The following THSD7A variants were observed in gnomAD, a reference collection of about 807,000 sequenced individuals.
THSD7A encodes thrombospondin type 1 domain containing 7A, also known as thrombospondin type-1 domain-containing protein 7A.
A neutral mutation model predicts 231.3 loss-of-function variants in THSD7A; 96 were observed. The ratio of observed to expected loss-of-function variants is 0.41; its 90% CI spans 0.35 to 0.49. THSD7A has a LOEUF of 0.49. THSD7A is among the 20% of genes least tolerant of loss of function. THSD7A has a pLI of 0.05. For synonymous variants in THSD7A, 940 were observed against 743.3 expected (o/e 1.26, Z -4.30); for missense variants, 2,290 against 2,070.2 (o/e 1.11, Z -2.06).
intron 4 of THSD7A, among the ~76,000 whole-genome samples, chr7:11,555,308 T>C (rs2128327547): frequency 6.6e-6 from 1 of 152,132 alleles, no homozygotes. Flanking sequence ...TCCAGTATTT[T>C]GATTTTCCTT....
chr7:11,617,334 T>C (rs1327274661), intron 2 of THSD7A, among the ~76,000 whole-genome samples: 2 of 152,224 alleles, frequency 1.3e-5, no homozygotes, highest in Admixed American at 6.5e-5. Flanking sequence ...TAACTTTTGT[T>C]TTCAATTACT....
chr7:11,818,138 A>C lies in THSD7A; in HGVS notation c.190+13619T>G, dbSNP rs569722435. On this transcript the variant is annotated intron_variant, in intron 1 of 27. Transcript: ENST00000423059. ...CTTCTTCTCTGGTGCAATAGAGAAC[A>C]TACCTACAAACACATCCATCTACAA... is the stretch of plus-strand genomic sequence containing the variant. 5.9e-5 allele frequency among the ~76,000 whole-genome samples: 9 copies of C among 152,324 alleles called. No individual in the cohort carries two copies. The East Asian group carries it at 1.5e-3, about 26-fold the overall frequency.
chr7:11,513,090 T>G (rs983097363), intron 6 of THSD7A, among the ~76,000 whole-genome samples: 4 of 151,304 alleles, frequency 2.6e-5, no homozygotes, highest in Non-Finnish European at 1.5e-5. Context: ...TTCTCACTAA[T>G]AGGTGGGAGC....
intron 6 of THSD7A, among the ~76,000 whole-genome samples, chr7:11,525,419 C>T (rs1041268488): frequency 1.3e-5 from 2 of 152,128 alleles, no homozygotes; most frequent in African/African-American, 4.8e-5. Context: ...TAATTCATCA[C>T]TGTCAATAAA....
intron 1 of THSD7A, among the ~76,000 whole-genome samples, chr7:11,664,543 A>G (rs747978317): frequency 9.2e-5 from 14 of 152,054 alleles, no homozygotes; most frequent in Non-Finnish European, 1.8e-4. Context: ...CATTTTAGTC[A>G]GTCAGTAAAG....
intron 2 of THSD7A, among the ~76,000 whole-genome samples, chr7:11,616,773 A>C (rs1781119900): frequency 6.6e-6 from 1 of 152,156 alleles, no homozygotes; most frequent in African/African-American, 2.4e-5. Context: ...TTTTCTTGAA[A>C]GGGCACATCC....
At chr7:11,468,065 C>T (rs577861601) in intron 9 of THSD7A, among the ~76,000 whole-genome samples, 5 of 151,866 alleles carry the variant, frequency 3.3e-5, no homozygotes, top group Non-Finnish European at 7.4e-5. Flanking sequence ...AAGAAAATAT[C>T]CAAAATAAGG....
At chr7:11,613,958 A>T (rs909882010) in intron 2 of THSD7A, among the ~76,000 whole-genome samples, 4 of 152,224 alleles carry the variant, frequency 2.6e-5, no homozygotes, top group African/African-American at 9.7e-5. Flanking sequence ...CAAAAGCAAT[A>T]CGATGACCAT....
At chr7:11,536,152 G>C (rs1163797271) in intron 6 of THSD7A, among the ~76,000 whole-genome samples, 1 of 152,110 alleles carries the variant, frequency 6.6e-6, no homozygotes, top group Non-Finnish European at 1.5e-5. Flanking sequence ...AATTCAAATA[G>C]AATTATTTCA....
rs527682277 is a variant in THSD7A, at chr7:11,483,211, T to C, written c.1823-1229A>G. ...GGGAGTTAGGAGCATCATTTTAATG[T>C]ACACTCCTTTATTCATATGCTTTAA... On this transcript the variant is annotated intron_variant, in intron 6 of 27. Transcript: ENST00000423059. 2.6e-5 allele frequency among the ~76,000 whole-genome samples: 4 copies of C among 152,336 alleles called. No individual in the cohort carries two copies. In the South Asian group the frequency reaches 8.3e-4, roughly 32 times the overall value.
At chr7:11,586,427 C>T (rs1028159278) in intron 4 of THSD7A, among the ~76,000 whole-genome samples, 1 of 152,148 alleles carries the variant, frequency 6.6e-6, no homozygotes, top group Middle Eastern at 3.2e-3. Flanking sequence ...TATGGAGACT[C>T]TCTTAGGTAT....
intron 1 of THSD7A, among the ~76,000 whole-genome samples, chr7:11,717,218 G>A (rs1198494166): frequency 6.6e-6 from 1 of 151,702 alleles, no homozygotes; most frequent in African/African-American, 2.4e-5. Context: ...GATAGTCTCA[G>A]GCAGAGGTGG....
chr7:11,449,524 G>A (rs934735242), intron 11 of THSD7A, among the ~76,000 whole-genome samples: 1 of 152,084 alleles, frequency 6.6e-6, no homozygotes, highest in African/African-American at 2.4e-5. Context: ...ACCATGCCAA[G>A]CTTTGGGAAA....
At position 11,374,255 on chromosome 7, in the gene THSD7A, G is replaced by T. The variant is rs577456836; in HGVS notation, c.*1539C>A. The T allele has an allele frequency of 6.6e-6, 1 of 152,266 alleles. No homozygotes were observed. Among genetic ancestry groups the T allele is most frequent in the East Asian group, 1.9e-4 (1 of 5,184 alleles). 9.4% of individuals were successfully genotyped at this position (152,266 alleles called of 1,614,324 possible). The stretch of plus-strand genomic sequence containing the variant: ...AAGATTGCATTAGCAGAATGGCAAA[G>T]TTGAGAAGTTGCAACATAGACCTTG... On this transcript the variant is annotated 3_prime_UTR_variant, in exon 28 of 28. Coordinates refer to ENST00000423059, the MANE Select transcript of THSD7A (RefSeq NM_015204.3).
Position 11,747,936 on chromosome 7 carries a change from G to T in THSD7A, c.190+83821C>A, listed in dbSNP as rs568010544. On this transcript the variant is annotated intron_variant, in intron 1 of 27. Transcript: ENST00000423059. The stretch of plus-strand genomic sequence containing the variant: ...TTTCAGGGAAATGGAAACAATTTTT[G>T]CATGACAGAATGTGTATGCAGGTTG... 2.0e-5 allele frequency among the ~76,000 whole-genome samples: 3 copies of T among 152,016 alleles called. No individual in the cohort carries two copies. In the South Asian group the frequency reaches 6.2e-4, roughly 32 times the overall value.
At chr7:11,630,218 A>C (rs1054790266) in intron 2 of THSD7A, among the ~76,000 whole-genome samples, 5 of 152,204 alleles carry the variant, frequency 3.3e-5, no homozygotes, top group Non-Finnish European at 5.9e-5. Context: ...AATAAGAACC[A>C]GGCAAAAAGA....
intron 16 of THSD7A, among the ~76,000 whole-genome samples, chr7:11,419,920 T>TTG (rs1051652870): frequency 1.4e-4 from 22 of 152,264 alleles, no homozygotes; most frequent in African/African-American, 5.1e-4. Context: ...AACTTTGAAC[T>TTG]TGAGAGAGAT....
At chr7:11,737,004 C>T (rs1781938828) in intron 1 of THSD7A, among the ~76,000 whole-genome samples, 1 of 151,958 alleles carries the variant, frequency 6.6e-6, no homozygotes, top group South Asian at 2.1e-4. Flanking sequence ...CTTCTGCTGC[C>T]ACGTGAAGAA....
intron 4 of THSD7A, among the ~76,000 whole-genome samples, chr7:11,581,197 C>A (rs949190109): frequency 1.3e-5 from 2 of 151,902 alleles, no homozygotes; most frequent in Non-Finnish European, 2.9e-5. Flanking sequence ...TTGTTATTAT[C>A]ATTATCATCA....
Sources: allele counts gnomAD v4.1 joint callset (sites outside exome capture counted in the v4.1 genomes callset), GRCh38; gene constraint gnomAD v4.1.1; transcripts MANE v1.5; gene names NCBI Gene and HGNC (gene_info 2026-07-23, HGNC 2026-07-21).